The following SLC24A2 variants were observed in gnomAD, a reference collection of about 807,000 sequenced individuals.
The protein encoded by SLC24A2 is solute carrier family 24 member 2.
Under a neutral mutation model 62.0 loss-of-function variants are expected in SLC24A2, and 36 were observed. The ratio of observed to expected loss-of-function variants is 0.58; its 90% CI spans 0.44 to 0.77. The LOEUF is 0.77. Among genes scored for constraint, SLC24A2 ranks in the 30% least tolerant of loss-of-function variants. SLC24A2 has a pLI of 0.00. For synonymous variants in SLC24A2, 358 were observed against 294.0 expected (o/e 1.22, Z -2.23); for missense variants, 846 against 817.9 (o/e 1.03, Z -0.42).
chr9:19,686,429 A>G (rs929922269), intron 2 of SLC24A2, among the ~76,000 whole-genome samples: 12 of 152,082 alleles, frequency 7.9e-5, no homozygotes, highest in Non-Finnish European at 1.5e-4. Flanking sequence ...AGTAATATAA[A>G]TCATTCTACC....
chr9:19,698,489 C>G (rs1820258612), intron 2 of SLC24A2, among the ~76,000 whole-genome samples: 1 of 152,110 alleles, frequency 6.6e-6, no homozygotes, highest in Non-Finnish European at 1.5e-5. Flanking sequence ...ATAGCTGTGT[C>G]TACAAAAATA....
chr9:20,077,166 A>T, the SLC24A2 span, among the ~76,000 whole-genome samples: 1 of 151,930 alleles, frequency 6.6e-6, no homozygotes, highest in Non-Finnish European at 1.5e-5. Flanking sequence ...GGGGAGATGT[A>T]GGTCAGAGGA....
At chr9:19,571,620 C>A (rs1227542916) in intron 7 of SLC24A2, among the ~76,000 whole-genome samples, 1 of 152,104 alleles carries the variant, frequency 6.6e-6, no homozygotes, top group Non-Finnish European at 1.5e-5. Context: ...TCATGGCAGA[C>A]CTGACAAATT....
intron 8 of SLC24A2, among the ~76,000 whole-genome samples, chr9:19,532,624 G>A (rs1833762960): frequency 6.6e-6 from 1 of 152,128 alleles, no homozygotes; most frequent in Non-Finnish European, 1.5e-5. Context: ...TGATAATTGG[G>A]GAAGTGAACA....
At chr9:20,086,528 A>T in the SLC24A2 span, among the ~76,000 whole-genome samples, 1 of 152,182 alleles carries the variant, frequency 6.6e-6, no homozygotes, top group Non-Finnish European at 1.5e-5. Flanking sequence ...GGCCTCTGAC[A>T]GTTCCCTTGT....
chr9:19,712,578 T>C (rs371150770), intron 2 of SLC24A2, among the ~76,000 whole-genome samples: 1 of 152,170 alleles, frequency 6.6e-6, no homozygotes, highest in African/African-American at 2.4e-5. Context: ...TGTTACCCTA[T>C]GTGACCTGGC....
chr9:19,973,904 T>C, the SLC24A2 span, among the ~76,000 whole-genome samples: 4 of 152,200 alleles, frequency 2.6e-5, no homozygotes, highest in Non-Finnish European at 5.9e-5. Context: ...AGCTAAATGT[T>C]TGCATGTTTT....
chr9:20,154,553 G>A, the SLC24A2 span, among the ~76,000 whole-genome samples: 1 of 151,592 alleles, frequency 6.6e-6, no homozygotes, highest in South Asian at 2.1e-4. Flanking sequence ...TTCCAAAAAG[G>A]AAACGTGTGA....
At chr9:20,117,113 C>T in the SLC24A2 span, among the ~76,000 whole-genome samples, 38 of 152,266 alleles carry the variant, frequency 2.5e-4, no homozygotes, top group East Asian at 1.5e-3. Flanking sequence ...CCACCGACTA[C>T]GCCATCATCA....
chr9:19,553,418 A>G (rs1219909212), intron 7 of SLC24A2, among the ~76,000 whole-genome samples: 1 of 152,216 alleles, frequency 6.6e-6, no homozygotes, highest in Non-Finnish European at 1.5e-5. Flanking sequence ...TGGTCCAGAA[A>G]GGATTCAAAT....
At chr9:19,795,501 T>C in the SLC24A2 span, among the ~76,000 whole-genome samples, 1 of 152,214 alleles carries the variant, frequency 6.6e-6, no homozygotes, top group African/African-American at 2.4e-5. Flanking sequence ...TAAATCTTTC[T>C]CCCTGAAACT....
chr9:19,649,013 A>C (rs530310263), intron 2 of SLC24A2, among the ~76,000 whole-genome samples: 16 of 148,838 alleles, frequency 1.1e-4, no homozygotes, highest in Middle Eastern at 3.4e-3. Flanking sequence ...AAAAAAAAAA[A>C]AAAAAACAAA....
chr9:20,217,684 T>C, the SLC24A2 span, among the ~76,000 whole-genome samples: 2 of 152,216 alleles, frequency 1.3e-5, no homozygotes, highest in Non-Finnish European at 2.9e-5. Flanking sequence ...ACTCCATTTG[T>C]TGTAACAGCG....
Position 19,508,740 on chromosome 9 carries a change from G to A in SLC24A2, c.*7413C>T, listed in dbSNP as rs1245825773. Reference sequence around the variant, plus strand: ...GTCCAGGTGTTTGAGGCTACACTGAGCTATGATTGCACCACTGCACTCTAG... The same window carrying A: ...GTCCAGGTGTTTGAGGCTACACTGAACTATGATTGCACCACTGCACTCTAG... On this transcript the variant is annotated 3_prime_UTR_variant, in exon 11 of 11. Coordinates refer to ENST00000341998, the MANE Select transcript of SLC24A2 (RefSeq NM_020344.4). 1 of 152,068 alleles carries A rather than the reference G, an allele frequency of 6.6e-6. No homozygotes were observed. Among genetic ancestry groups the A allele is most frequent in the East Asian group, 1.9e-4 (1 of 5,178 alleles). The allele number at this position is 152,068 out of a possible 1,614,324, so 9.4% of individuals were successfully genotyped here.
At chr9:20,225,120 G>C in the SLC24A2 span, among the ~76,000 whole-genome samples, 1 of 152,066 alleles carries the variant, frequency 6.6e-6, no homozygotes, top group Admixed American at 6.6e-5. Flanking sequence ...AAGAAAGTCT[G>C]TCTCAGGCTT....
At chr9:19,666,489 G>A (rs1224424233) in intron 2 of SLC24A2, among the ~76,000 whole-genome samples, 1 of 152,144 alleles carries the variant, frequency 6.6e-6, no homozygotes, top group Admixed American at 6.6e-5. Context: ...TAGGGAAACT[G>A]TGGAATATAG....
chr9:19,709,785 G>A (rs756258683), intron 2 of SLC24A2, among the ~76,000 whole-genome samples: 68 of 150,010 alleles, frequency 4.5e-4, no homozygotes, highest in Non-Finnish European at 9.6e-4. Context: ...AGCATTAGGA[G>A]ATATACCTAA....
At chr9:19,711,766 T>C (rs545054739) in intron 2 of SLC24A2, among the ~76,000 whole-genome samples, 61 of 152,338 alleles carry the variant, frequency 4.0e-4, no homozygotes, top group Non-Finnish European at 6.8e-4. Context: ...GTAATACTCA[T>C]ACCTTAGAAC....
At chr9:19,766,247 C>G (rs537949194) in intron 2 of SLC24A2, among the ~76,000 whole-genome samples, 2 of 152,256 alleles carry the variant, frequency 1.3e-5, no homozygotes, top group African/African-American at 4.8e-5. Flanking sequence ...AGAATATGTT[C>G]CTTTAGCCTG....
Sources: gnomAD v4.1 joint callset for allele counts (sites outside exome capture counted in the v4.1 genomes callset) on GRCh38, gnomAD v4.1.1 for gene constraint, MANE v1.5 for transcripts, NCBI Gene and HGNC (gene_info 2026-07-23, HGNC 2026-07-21) for gene names.